The following CDH13 variants were observed in gnomAD, a reference collection of about 807,000 sequenced individuals.
The protein encoded by CDH13 is cadherin 13, also known as cadherin-13.
A neutral mutation model predicts 63.8 loss-of-function variants in CDH13; 24 were observed. The observed-to-expected ratio is 0.38, with a 90% confidence interval of 0.27 to 0.53. The LOEUF (loss-of-function observed/expected upper bound fraction) is 0.53. CDH13 is among the 20% of genes least tolerant of loss of function. The probability of loss-of-function intolerance (pLI) is 0.85; values close to 1 mark genes in which losing one functional copy is unlikely to be tolerated. For synonymous variants in CDH13, 503 were observed against 355.3 expected, an observed-to-expected ratio of 1.42 and a Z score of -4.67; for missense variants, 1,049 against 903.1, an observed-to-expected ratio of 1.16 and a Z score of -2.07.
At position 82,690,328 on chromosome 16, in the gene CDH13, C is replaced by T. The variant is rs1273332584; in HGVS notation, c.45+63191C>T. ...GAAATGTGTCAACCCTAAAGCATTGCTATTTTTAAATATTTAGTTGTATTT... is the reference window on the plus strand; with the variant it reads ...GAAATGTGTCAACCCTAAAGCATTGTTATTTTTAAATATTTAGTTGTATTT... On this transcript the variant is annotated intron_variant, in intron 1 of 13. Coordinates refer to ENST00000567109, the MANE Select transcript of CDH13 (RefSeq NM_001257.5). 2.0e-5 allele frequency among the ~76,000 whole-genome samples: 3 copies of T among 151,992 alleles called. No homozygotes were observed. In the East Asian group the frequency reaches 5.8e-4, roughly 29 times the overall value.
intron 7 of CDH13, among the ~76,000 whole-genome samples, chr16:83,504,991 T>A (rs1375539218): frequency 1.3e-5 from 2 of 151,664 alleles, no homozygotes; most frequent in East Asian, 3.9e-4. Flanking sequence ...TTAAGAGGAG[T>A]GAAAAGAGAG....
At chr16:83,739,488 A>G (rs1329892279) in intron 10 of CDH13, among the ~76,000 whole-genome samples, 1 of 152,068 alleles carries the variant, frequency 6.6e-6, no homozygotes, top group Non-Finnish European at 1.5e-5. Context: ...ATTGAATATG[A>G]CAATATGCTG....
chr16:83,790,716 A>G (rs1916205380), intron 13 of CDH13, among the ~76,000 whole-genome samples: 1 of 152,128 alleles, frequency 6.6e-6, no homozygotes, highest in Non-Finnish European at 1.5e-5. Flanking sequence ...TTGTTGTAGT[A>G]TAAAGTGCAT....
intron 1 of CDH13, chr16:82,829,633 T>G (rs941181934): frequency 2.0e-5 from 3 of 152,174 alleles, no homozygotes; most frequent in African/African-American, 7.2e-5. Flanking sequence ...ATTCCGTTCC[T>G]TCTTACACAG....
chr16:82,957,274 C>T (rs552397528), intron 2 of CDH13, among the ~76,000 whole-genome samples: 9 of 152,146 alleles, frequency 5.9e-5, no homozygotes, highest in African/African-American at 2.2e-4. Context: ...AGCTATTGGT[C>T]TTTCTTTGGG....
chr16:83,594,705 C>A (rs181848571), intron 7 of CDH13, among the ~76,000 whole-genome samples: 1 of 152,188 alleles, frequency 6.6e-6, no homozygotes, highest in Admixed American at 6.5e-5. Flanking sequence ...CCTTTTTCCA[C>A]ATCACATCTA....
intron 5 of CDH13, among the ~76,000 whole-genome samples, chr16:83,312,025 A>T (rs1208309657): frequency 2.3e-5 from 3 of 132,286 alleles, no homozygotes; most frequent in African/African-American, 8.5e-5. Context: ...GTGAGCTGAG[A>T]TTGTGCATTG....
At chr16:83,044,166 G>C (rs1198343673) in intron 3 of CDH13, among the ~76,000 whole-genome samples, 1 of 151,454 alleles carries the variant, frequency 6.6e-6, no homozygotes, top group Non-Finnish European at 1.5e-5. Context: ...CTATATTCCA[G>C]ATGCAGAAGT....
At chr16:83,260,146 T>G (rs1232598076) in intron 5 of CDH13, among the ~76,000 whole-genome samples, 2 of 112,374 alleles carry the variant, frequency 1.8e-5, no homozygotes, top group South Asian at 3.0e-4. Context: ...ACACACACGC[T>G]CTCTCAAAAC....
At chr16:83,298,955 G>A (rs1336613699) in intron 5 of CDH13, among the ~76,000 whole-genome samples, 3 of 152,144 alleles carry the variant, frequency 2.0e-5, no homozygotes, top group Non-Finnish European at 2.9e-5. Context: ...GTTTCTGAGT[G>A]TAAAAGTAAT....
At chr16:83,335,615 G>A (rs112288081) in intron 5 of CDH13, among the ~76,000 whole-genome samples, 10,617 of 152,136 alleles carry the variant, frequency 0.07, 527 homozygotes, top group Non-Finnish European at 0.11. Flanking sequence ...AATGAAATCC[G>A]CAAGCAGACG....
intron 2 of CDH13, among the ~76,000 whole-genome samples, chr16:83,016,925 C>T (rs1914863633): frequency 6.6e-6 from 1 of 152,138 alleles, no homozygotes; most frequent in African/African-American, 2.4e-5. Context: ...CTGTGCTGTT[C>T]TTTTCTCCTC....
chr16:83,555,023 G>A (rs991377949), intron 7 of CDH13, among the ~76,000 whole-genome samples: 2 of 151,572 alleles, frequency 1.3e-5, no homozygotes, highest in African/African-American at 4.9e-5. Flanking sequence ...TGCGGGGCCA[G>A]AGGTGGAGGG....
chr16:83,228,056 C>T (rs2151799638), intron 5 of CDH13, among the ~76,000 whole-genome samples: 1 of 152,264 alleles, frequency 6.6e-6, no homozygotes, highest in South Asian at 2.1e-4. Context: ...CAGGAAGGCC[C>T]TCCTGGGAGG....
intron 8 of CDH13, among the ~76,000 whole-genome samples, chr16:83,669,235 T>G (rs12443897): frequency 5.1e-4 from 78 of 152,012 alleles, no homozygotes; most frequent in Admixed American, 8.5e-4. Flanking sequence ...GCAGTTTCTC[T>G]TTCATCAGCC....
At chr16:83,125,241 G>A (rs2035759076) in intron 3 of CDH13, 144 bp from the exon 4 acceptor site, 3 of 591,190 alleles carry the variant, frequency 5.1e-6, no homozygotes, top group Non-Finnish European at 6.1e-6. Flanking sequence ...AATGTACTTG[G>A]TAATGCTAAT....
rs149889912 is a variant in CDH13 at position 82,646,018 on chromosome 16, C to T, written c.45+18881C>T. On this transcript the variant is annotated intron_variant, in intron 1 of 13. Transcript: ENST00000567109. ...ATCTCTACTGGACAAAAGTTGACCA[C>T]TTAAGTGGTGACTTCACAAAGTCTG... 4.7e-3 allele frequency among the ~76,000 whole-genome samples: 716 copies of T among 152,306 alleles called. 4 individuals are homozygous for T. Among genetic ancestry groups the T allele is most frequent in the South Asian group, 0.015 (74 of 4,818 alleles).
intron 6 of CDH13, among the ~76,000 whole-genome samples, chr16:83,390,775 T>A (rs1424177): frequency 0.092 from 14,019 of 152,210 alleles, 798 homozygotes; most frequent in South Asian, 0.13. Flanking sequence ...GCTGTTTAAT[T>A]TTTTAATTAA....
intron 8 of CDH13, among the ~76,000 whole-genome samples, chr16:83,656,328 ATTTGT>A (rs1912864127): frequency 6.6e-6 from 1 of 152,088 alleles, no homozygotes; most frequent in Non-Finnish European, 1.5e-5. Flanking sequence ...GAAAGATGAG[ATTTGT>A]TTTGGTGGAG....
Sources: gnomAD v4.1 joint callset for allele counts (sites outside exome capture counted in the v4.1 genomes callset) on GRCh38, gnomAD v4.1.1 for gene constraint, MANE v1.5 for transcripts, NCBI Gene and HGNC (gene_info 2026-07-23, HGNC 2026-07-21) for gene names.